Variants in HAO1 observed in about 807,000 individuals in gnomAD.
The protein encoded by HAO1 is hydroxyacid oxidase 1.
In HAO1, 34 loss-of-function variants were observed where a neutral mutation model predicts 39.7. The observed-to-expected ratio is 0.86, with a 90% CI of 0.65 to 1.14. HAO1 has a LOEUF of 1.14. HAO1 is among the 50% of genes most tolerant of loss of function. HAO1 has a pLI of 0.00. For missense variants in HAO1, 479 were observed against 464.5 expected (o/e 1.03, Z -0.29); for synonymous variants, 172 against 173.2 (o/e 0.99, Z 0.05).
chr20:7,914,432 G>A lies in HAO1; in HGVS notation c.290-13C>T. 6.2e-7 allele frequency: 1 copy of A among 1,611,464 alleles called. No homozygotes were observed. Among genetic ancestry groups the A allele is most frequent in the South Asian group, 1.1e-5 (1 of 91,010 alleles). On this transcript the variant is annotated splice_polypyrimidine_tract_variant and intron_variant, in intron 2 of 7. Transcript: ENST00000378789. ...AGGGACTGACAGGCTGAGAAAGAAA[G>A]GGGATGATCAAGATGGGCCTGGCAT...
intron 3 of HAO1, among the ~76,000 whole-genome samples, chr20:7,906,542 T>TATTGTAAAATAAA (rs2050249145): frequency 6.6e-6 from 1 of 152,188 alleles, no homozygotes; most frequent in African/African-American, 2.4e-5. Context: ...ACCTAAATTT[T>TATTGTAAAATAAA]ATTTTACATC....
intron 2 of HAO1, 33 bp downstream of exon 2, chr20:7,934,451 C>T (rs767476087): frequency 6.3e-7 from 1 of 1,575,472 alleles, no homozygotes; most frequent in South Asian, 1.1e-5. Context: ...CGTTAGCCTC[C>T]TTCTGTCCCT....
intron 1 of HAO1, among the ~76,000 whole-genome samples, chr20:7,939,489 A>G (rs2050430805): frequency 6.6e-6 from 1 of 152,192 alleles, no homozygotes; most frequent in Non-Finnish European, 1.5e-5. Flanking sequence ...TATCACCATC[A>G]ATGAGTACCC....
At chr20:7,898,204 C>G (rs2050205914) in intron 4 of HAO1, among the ~76,000 whole-genome samples, 1 of 152,162 alleles carries the variant, frequency 6.6e-6, no homozygotes, top group Non-Finnish European at 1.5e-5. Context: ...AGTCAGTCCC[C>G]TTGCGTTTCG....
chr20:7,930,012 C>T (rs1032657328), intron 2 of HAO1, among the ~76,000 whole-genome samples: 1 of 152,146 alleles, frequency 6.6e-6, no homozygotes, highest in South Asian at 2.1e-4. Context: ...GACTATGGCA[C>T]CATAGCAATT....
At chr20:7,899,189 G>A (rs2050210548) in intron 4 of HAO1, among the ~76,000 whole-genome samples, 1 of 151,870 alleles carries the variant, frequency 6.6e-6, no homozygotes, top group African/African-American at 2.4e-5. Context: ...CTGCTCGCTT[G>A]CTGTGTAAGT....
At chr20:7,893,542 A>G (rs1049730299) in intron 5 of HAO1, among the ~76,000 whole-genome samples, 5 of 152,152 alleles carry the variant, frequency 3.3e-5, no homozygotes, top group African/African-American at 4.8e-5. Flanking sequence ...CCGAAAAGCA[A>G]TGCTTGAGAT....
chr20:7,923,282 C>G (rs891554371), intron 2 of HAO1, among the ~76,000 whole-genome samples: 3 of 152,186 alleles, frequency 2.0e-5, no homozygotes, highest in African/African-American at 4.8e-5. Context: ...TGTTCTCCCT[C>G]TGGCTGGGAA....
At chr20:7,909,103 A>G (rs922354142) in intron 3 of HAO1, among the ~76,000 whole-genome samples, 3 of 151,938 alleles carry the variant, frequency 2.0e-5, no homozygotes, top group African/African-American at 7.3e-5. Context: ...ATGGATAGGA[A>G]AAAACAGAAA....
intron 7 of HAO1, among the ~76,000 whole-genome samples, chr20:7,884,577 G>A (rs533620375): frequency 1.3e-5 from 2 of 152,290 alleles, no homozygotes; most frequent in South Asian, 4.1e-4. Flanking sequence ...TGGAGGAAGA[G>A]CATCCAGGCA....
chr20:7,893,189 C>A (rs762242749), intron 5 of HAO1, among the ~76,000 whole-genome samples: 5 of 152,120 alleles, frequency 3.3e-5, no homozygotes, highest in Non-Finnish European at 7.4e-5. Context: ...CCACTGAAAC[C>A]GCCTTTGCAA....
At position 7,897,021 on chromosome 20, in the gene HAO1, G is replaced by T. The variant is rs1319498108; in HGVS notation, c.722-1797C>A. On this transcript the variant is annotated intron_variant, in intron 4 of 7. Coordinates refer to ENST00000378789, the MANE Select transcript of HAO1 (RefSeq NM_017545.3). ...GATTCCTTTGTTACTTTCTTAAAAA[G>T]GATCCAAGGGAGGTAAACTTACAGA... 2.6e-5 allele frequency among the ~76,000 whole-genome samples: 4 copies of T among 152,092 alleles called. No individual in the cohort carries two copies. In the East Asian group the frequency reaches 7.7e-4, roughly 29 times the overall value.
chr20:7,913,172 T>TG (rs1416121311), intron 3 of HAO1, among the ~76,000 whole-genome samples: 1 of 144,228 alleles, frequency 6.9e-6, no homozygotes, highest in Non-Finnish European at 1.5e-5. Context: ...AGTTTTTTGT[T>TG]TTTTTTTTTT....
intron 3 of HAO1, among the ~76,000 whole-genome samples, chr20:7,911,138 G>T (rs2122773651): frequency 6.6e-6 from 1 of 152,296 alleles, no homozygotes; most frequent in Non-Finnish European, 1.5e-5. Context: ...GTGAGGATGT[G>T]AGTGCTACGC....
Position 7,934,129 on chromosome 20 carries a change from AG to A in HAO1, c.289+354del, listed in dbSNP as rs562407220. The stretch of plus-strand genomic sequence containing the variant: ...CTGTCAGAGATCCATTTCCTGAGAC[AG>A]TACTATTAATACCCATAATATAACC... On this transcript the variant is annotated intron_variant, in intron 2 of 7. Transcript: ENST00000378789. Among the ~76,000 whole-genome samples the A allele has an allele frequency of 2.5e-3, 381 of 152,298 alleles. 3 individuals are homozygous for A. Among genetic ancestry groups the A allele is most frequent in the African/African-American group, 8.4e-3 (351 of 41,568 alleles).
At chr20:7,921,581 G>A (rs975637471) in intron 2 of HAO1, among the ~76,000 whole-genome samples, 4 of 152,058 alleles carry the variant, frequency 2.6e-5, no homozygotes, top group Admixed American at 6.6e-5. Context: ...TCTACCATTC[G>A]ATCCAGCAAT....
chr20:7,931,265 G>T (rs534401741), intron 2 of HAO1, among the ~76,000 whole-genome samples: 1 of 152,116 alleles, frequency 6.6e-6, no homozygotes, highest in African/African-American at 2.4e-5. Flanking sequence ...TTATCCAAAT[G>T]TCTATTGTGT....
intron 1 of HAO1, 87 bp downstream of exon 1, chr20:7,940,199 C>A: frequency 9.2e-7 from 1 of 1,088,326 alleles, no homozygotes; most frequent in Non-Finnish European, 1.3e-6. Context: ...AATAATTACA[C>A]ACCACCAACG....
At chr20:7,940,033 T>C (rs946463375) in intron 1 of HAO1, among the ~76,000 whole-genome samples, 6 of 152,240 alleles carry the variant, frequency 3.9e-5, no homozygotes, top group Admixed American at 2.0e-4. Context: ...GTTAAATTAA[T>C]TGTTGTCATA....
Sources: gnomAD v4.1 joint callset for allele counts (sites outside exome capture counted in the v4.1 genomes callset) on GRCh38, gnomAD v4.1.1 for gene constraint, MANE v1.5 for transcripts, NCBI Gene and HGNC (gene_info 2026-07-23, HGNC 2026-07-21) for gene names.